Variants in DENND2C observed in about 807,000 individuals in gnomAD.
The protein encoded by DENND2C is DENN domain containing 2C.
Under a neutral mutation model 112.4 loss-of-function variants are expected in DENND2C, and 72 were observed. The ratio of observed to expected loss-of-function variants is 0.64; its 90% confidence interval spans 0.53 to 0.78. The LOEUF (loss-of-function observed/expected upper bound fraction) is 0.78, where lower values mean the gene tolerates loss of function less well. Ranked by LOEUF, DENND2C falls within the 30% of genes least tolerant of loss-of-function variation. The pLI, the probability that DENND2C is intolerant of heterozygous loss-of-function variation, is 0.00. For missense variants in DENND2C, 992 were observed against 1,113.8 expected, an observed-to-expected ratio of 0.89 and a Z score of 1.56; for synonymous variants, 329 against 381.6, an observed-to-expected ratio of 0.86 and a Z score of 1.61.
In DENND2C at chr1:114,637,344, T is replaced by C. The variant is rs1448696963; in HGVS notation, c.-205+8104A>G. The stretch of plus-strand genomic sequence containing the variant: ...AGATCGTGCTACTGTAACTCTAGAC[T>C]GGGCAACAGAGCAAGACTCTGTCTC... On this transcript the variant is annotated intron_variant, in intron 3 of 20. Transcript: ENST00000393274. 5.2e-5 allele frequency among the ~76,000 whole-genome samples: 7 copies of C among 135,224 alleles called. 1 individual carries two copies. The highest frequency in any genetic ancestry group is 1.1e-4 in the Non-Finnish European group (7 of 64,726). The allele number at this position is 135,224 out of a possible 152,430, so 88.7% of individuals were successfully genotyped here.
At chr1:114,643,727 T>G (rs1410679201) in intron 3 of DENND2C, among the ~76,000 whole-genome samples, 2 of 152,200 alleles carry the variant, frequency 1.3e-5, no homozygotes, top group African/African-American at 4.8e-5. Context: ...AATCAAGAAA[T>G]ATGTAAGAAT....
intron 1 of DENND2C, among the ~76,000 whole-genome samples, chr1:114,657,842 C>A (rs565122070): frequency 4.6e-5 from 7 of 152,240 alleles, no homozygotes; most frequent in African/African-American, 1.7e-4. Context: ...CTTGTTCAAA[C>A]ACCAGTGGGA....
chr1:114,643,973 C>T (rs780250303), intron 3 of DENND2C, among the ~76,000 whole-genome samples: 2 of 152,166 alleles, frequency 1.3e-5, no homozygotes, highest in Non-Finnish European at 2.9e-5. Flanking sequence ...GACTACAATT[C>T]CTTTTCTTTG....
At chr1:114,664,677 A>G (rs1336288481) in intron 1 of DENND2C, among the ~76,000 whole-genome samples, 1 of 151,152 alleles carries the variant, frequency 6.6e-6, no homozygotes, top group Non-Finnish European at 1.5e-5. Context: ...ATGGGGTTTC[A>G]CCATGTTGGC....
At chr1:114,634,786 G>C (rs538897498) in intron 3 of DENND2C, among the ~76,000 whole-genome samples, 10 of 152,212 alleles carry the variant, frequency 6.6e-5, no homozygotes, top group African/African-American at 2.2e-4. Flanking sequence ...CCAGCACTTT[G>C]GGAGGCCGAG....
At chr1:114,666,521 C>T (rs6692475) in intron 1 of DENND2C, among the ~76,000 whole-genome samples, 133,116 of 152,182 alleles carry the variant, frequency 0.87, 58,722 homozygotes, top group African/African-American at 0.96. Flanking sequence ...AGGTGCACGA[C>T]CTCAGCTCAC....
At chr1:114,624,180 G>C (rs1314061521) in intron 4 of DENND2C, among the ~76,000 whole-genome samples, 1 of 152,202 alleles carries the variant, frequency 6.6e-6, no homozygotes, top group Non-Finnish European at 1.5e-5. Flanking sequence ...TCACATTCAT[G>C]TTCTTCATTG....
chr1:114,587,948 C>T lies in DENND2C; in HGVS notation c.2436G>A (p.Val812=), dbSNP rs767992970. 3 of 1,613,344 alleles carry T rather than the reference C, an allele frequency of 1.9e-6. No individual in the cohort carries two copies. Among genetic ancestry groups the T allele is most frequent in the Non-Finnish European group, 2.5e-6 (3 of 1,179,682 alleles). ...CTTCGGACACCAGAGAGTTGAGTGT[C>T]ACATCTGCTGCAACATGAAAAAGAA... ...LTQEQNFSQD[V]TLNSLVSEAF... Residue 812 remains valine, a synonymous_variant, in exon 19 of 21, where the codon GTG becomes GTA. Transcript: ENST00000393274.
At chr1:114,640,779 CAT>C (rs1656815443) in intron 3 of DENND2C, among the ~76,000 whole-genome samples, 1 of 152,314 alleles carries the variant, frequency 6.6e-6, no homozygotes, top group South Asian at 2.1e-4. Flanking sequence ...TACACAAAAA[CAT>C]AAATTTTTTT....
rs577167082 is a variant in DENND2C at position 114,609,698 on chromosome 1, G to A, written c.1370-825C>T. ...CAGTGATTTGCTTATGTATAATTCCGAGCCACTGATAGACTCAACCTCTAA... is the reference window on the plus strand; with the variant it reads ...CAGTGATTTGCTTATGTATAATTCCAAGCCACTGATAGACTCAACCTCTAA... On this transcript the variant is annotated intron_variant, in intron 9 of 20. Transcript: ENST00000393274. Among the ~76,000 whole-genome samples the A allele has an allele frequency of 5.1e-4, 78 of 152,240 alleles. 6 individuals are homozygous for A. The highest frequency in any genetic ancestry group is 5.3e-4 in the African/African-American group (22 of 41,564).
At chr1:114,669,339 T>A (rs767505281) in intron 1 of DENND2C, among the ~76,000 whole-genome samples, 26 of 152,186 alleles carry the variant, frequency 1.7e-4, no homozygotes, top group Non-Finnish European at 5.9e-5. Flanking sequence ...GAAGTTAATT[T>A]GGCCGAGGTA....
chr1:114,645,854 T>A (rs1656967174), intron 2 of DENND2C, among the ~76,000 whole-genome samples: 1 of 152,160 alleles, frequency 6.6e-6, no homozygotes, highest in African/African-American at 2.4e-5. Context: ...TTGGGCAACA[T>A]TAAGTAATAA....
intron 1 of DENND2C, among the ~76,000 whole-genome samples, chr1:114,668,249 C>T (rs756259121): frequency 2.0e-5 from 3 of 152,008 alleles, no homozygotes; most frequent in Non-Finnish European, 4.4e-5. Flanking sequence ...CTTCAAAAGA[C>T]CCATCCTCCA....
At chr1:114,607,552 A>G (rs1232402787) in intron 10 of DENND2C, among the ~76,000 whole-genome samples, 1 of 152,212 alleles carries the variant, frequency 6.6e-6, no homozygotes, top group Non-Finnish European at 1.5e-5. Flanking sequence ...ATGCAAAGCA[A>G]AAGAAACCCA....
chr1:114,608,620 C>G, intron 10 of DENND2C, 66 bp downstream of exon 10: 2 of 1,531,762 alleles, frequency 1.3e-6, no homozygotes, highest in Non-Finnish European at 1.8e-6. Flanking sequence ...ACCAAGAGGA[C>G]AGGAAATACA....
intron 3 of DENND2C, among the ~76,000 whole-genome samples, chr1:114,636,615 A>T (rs1656663674): frequency 6.6e-6 from 1 of 152,212 alleles, no homozygotes; most frequent in African/African-American, 2.4e-5. Context: ...TCGAGGCTGC[A>T]GTGAGCAGAT....
At chr1:114,657,891 T>A (rs1391188833) in intron 1 of DENND2C, among the ~76,000 whole-genome samples, 10 of 151,960 alleles carry the variant, frequency 6.6e-5, no homozygotes, top group Admixed American at 2.0e-4. Flanking sequence ...GAAACAAGGG[T>A]ATAAAGCAAA....
intron 6 of DENND2C, 85 bp from the exon 7 acceptor site, chr1:114,622,150 G>T: frequency 7.2e-7 from 1 of 1,384,190 alleles, no homozygotes. Context: ...GTCTTGCTCT[G>T]TCGCCCAGGC....
At chr1:114,624,902 C>T (rs991498384) in intron 4 of DENND2C, among the ~76,000 whole-genome samples, 17 of 152,172 alleles carry the variant, frequency 1.1e-4, no homozygotes, top group South Asian at 2.1e-4. Context: ...ATTACAGGAG[C>T]GAGCTACCGT....
Sources: gnomAD v4.1 joint callset for allele counts (sites outside exome capture counted in the v4.1 genomes callset) on GRCh38, gnomAD v4.1.1 for gene constraint, MANE v1.5 for transcripts, NCBI Gene and HGNC (gene_info 2026-07-23, HGNC 2026-07-21) for gene names.